RANBP17: variants seen among roughly 807,000 people sequenced by gnomAD.
The protein encoded by RANBP17 is ran-binding protein 17.
A neutral mutation model predicts 141.2 loss-of-function variants in RANBP17; 158 were observed. The observed-to-expected ratio is 1.12, with a 90% confidence interval of 0.98 to 1.28. RANBP17 has a LOEUF of 1.28. RANBP17 is among the 50% of genes most tolerant of loss of function. RANBP17 has a pLI of 0.00. For missense variants in RANBP17, 1,438 were observed against 1,290.7 expected, an observed-to-expected ratio of 1.11 and a Z score of -1.75; for synonymous variants, 430 against 450.0, an observed-to-expected ratio of 0.96 and a Z score of 0.56.
intron 14 of RANBP17, among the ~76,000 whole-genome samples, chr5:171,039,220 A>G (rs1782083681): frequency 1.4e-5 from 2 of 145,654 alleles, no homozygotes; most frequent in African/African-American, 2.5e-5. Context: ...CTTTTTCTCT[A>G]TAGCCTTGCT....
At chr5:171,154,967 A>G (rs911804682) in intron 14 of RANBP17, among the ~76,000 whole-genome samples, 3 of 151,100 alleles carry the variant, frequency 2.0e-5, no homozygotes, top group Non-Finnish European at 4.4e-5. Flanking sequence ...AATCCCAGCT[A>G]CTCGGGAGGC....
At position 171,053,906 on chromosome 5, in the gene RANBP17, TATATATATATATATATATA is replaced by T. The variant is rs1561596522; in HGVS notation, c.1710+85532_1710+85550del. ...ATATATATATATATATATATATATA[TATATATATATATATATATA>T]ATTGCTGTATTTGATGCATATATGC... On this transcript the variant is annotated intron_variant, in intron 14 of 27. Transcript: ENST00000523189. Among the ~76,000 whole-genome samples, 268 of 138,372 alleles carry T rather than the reference TATATATATATATATATATA, an allele frequency of 1.9e-3. 5 individuals carry two copies. The highest frequency in any genetic ancestry group is 5.4e-3 in the African/African-American group (202 of 37,708). 90.8% of individuals were successfully genotyped at this position (138,372 alleles called of 152,430 possible).
At chr5:171,278,242 G>A (rs1193366104) in intron 25 of RANBP17, among the ~76,000 whole-genome samples, 2 of 152,058 alleles carry the variant, frequency 1.3e-5, no homozygotes, top group African/African-American at 2.4e-5. Context: ...AAATTGGCCG[G>A]GTGTGGTGGC....
intron 18 of RANBP17, among the ~76,000 whole-genome samples, chr5:171,195,775 G>T (rs1761945936): frequency 6.6e-6 from 1 of 152,182 alleles, no homozygotes; most frequent in African/African-American, 2.4e-5. Context: ...AGGATGTTGG[G>T]CAGGCTATCT....
At chr5:171,179,380 G>A (rs757810871) in intron 16 of RANBP17, among the ~76,000 whole-genome samples, 6 of 152,040 alleles carry the variant, frequency 3.9e-5, no homozygotes, top group Non-Finnish European at 7.4e-5. Flanking sequence ...ATGTGTGTCT[G>A]TGTGTGTGTC....
chr5:171,229,198 C>T (rs1036937656), intron 22 of RANBP17, among the ~76,000 whole-genome samples: 1 of 152,120 alleles, frequency 6.6e-6, no homozygotes, highest in Admixed American at 6.6e-5. Flanking sequence ...TTGGTTAAGG[C>T]ATATAATAAC....
intron 25 of RANBP17, among the ~76,000 whole-genome samples, chr5:171,277,938 C>CT (rs140208253): frequency 3.9e-4 from 28 of 72,262 alleles, no homozygotes; most frequent in East Asian, 5.5e-4. Flanking sequence ...GGACTTCTTT[C>CT]TTTTTTTTTT....
intron 14 of RANBP17, among the ~76,000 whole-genome samples, chr5:170,986,824 G>A (rs1333110126): frequency 1.3e-5 from 2 of 151,748 alleles, no homozygotes; most frequent in South Asian, 2.1e-4. Context: ...TTCCTGTATG[G>A]TATGTTACTG....
Position 171,271,075 on chromosome 5 carries a change from C to CCTTTTTTTTTT in RANBP17, c.2943+5228_2943+5229insCTTTTTTTTTT, listed in dbSNP as rs1767076411. The CCTTTTTTTTTT allele has an allele frequency of 3.3e-4, 9 of 27,540 alleles. 2 individuals are homozygous for CCTTTTTTTTTT. The highest frequency in any genetic ancestry group is 4.8e-4 in the Non-Finnish European group (7 of 14,668). The allele number at this position is 27,540 out of a possible 1,614,324, so 1.7% of individuals were successfully genotyped here. On this transcript the variant is annotated intron_variant, in intron 25 of 27. Transcript: ENST00000523189. ...TTTCTCCCTCCTTTTTATGTTATTT[C>CCTTTTTTTTTT]TTTTTTTTTTTTTTTTTTTTTTTTT...
chr5:171,110,724 G>A (rs926621368), intron 14 of RANBP17, among the ~76,000 whole-genome samples: 1 of 152,090 alleles, frequency 6.6e-6, no homozygotes, highest in African/African-American at 2.4e-5. Flanking sequence ...GTATTAAATT[G>A]TAGAAACGTG....
At chr5:170,964,667 G>T (rs574938244) in intron 13 of RANBP17, among the ~76,000 whole-genome samples, 1 of 151,808 alleles carries the variant, frequency 6.6e-6, no homozygotes. Context: ...TTGTCCTTGC[G>T]ATAGTTTACT....
intron 14 of RANBP17, among the ~76,000 whole-genome samples, chr5:171,101,077 T>A (rs757647894): frequency 2.5e-4 from 38 of 152,204 alleles, no homozygotes; most frequent in Non-Finnish European, 4.3e-4. Flanking sequence ...GTATATTCTG[T>A]TGATTTGGGG....
intron 20 of RANBP17, chr5:171,206,967 A>T (rs1762615871): frequency 1.1e-5 from 2 of 179,064 alleles, no homozygotes; most frequent in East Asian, 1.8e-4. Flanking sequence ...GTTAAACTGG[A>T]ATTATATATG....
rs372620274 is a variant in RANBP17 at position 170,945,817 on chromosome 5, A to C, written c.1469-7780A>C. Among the ~76,000 whole-genome samples, 3 of 152,144 alleles carry C rather than the reference A, an allele frequency of 2.0e-5. No homozygotes were observed. The East Asian group carries it at 5.8e-4, about 29-fold the overall frequency. ...TCATTTTATGTGTCTTGTTTTGGGA[A>C]TCAAAAAAAGTGTGAAATGTCTCCT... is the stretch of plus-strand genomic sequence containing the variant. On this transcript the variant is annotated intron_variant, in intron 12 of 27. Transcript: ENST00000523189.
At chr5:171,018,820 T>C (rs1201735978) in intron 14 of RANBP17, among the ~76,000 whole-genome samples, 1 of 152,212 alleles carries the variant, frequency 6.6e-6, no homozygotes. Flanking sequence ...AGAGAGGATA[T>C]CCTTGTCTTG....
chr5:170,921,054 GA>G (rs753632337), intron 11 of RANBP17, among the ~76,000 whole-genome samples: 1 of 152,134 alleles, frequency 6.6e-6, no homozygotes, highest in Non-Finnish European at 1.5e-5. Flanking sequence ...TGTTCACTCT[GA>G]TGATGGTTTC....
At position 171,261,739 on chromosome 5, in the gene RANBP17, A is replaced by G. The variant is rs115471203; in HGVS notation, c.2777-3942A>G. ...TGTAATCCCTTTTAAAATATTTTAA[A>G]CACCAAGAACTAGGACAAAATATGA... On this transcript the variant is annotated intron_variant, in intron 24 of 27. Transcript: ENST00000523189. Among the ~76,000 whole-genome samples, 1,423 of 152,354 alleles carry G rather than the reference A, an allele frequency of 9.3e-3. 23 individuals carry two copies. The highest frequency in any genetic ancestry group is 0.033 in the African/African-American group (1,360 of 41,586).
chr5:170,929,443 G>A (rs1170711276), intron 12 of RANBP17, among the ~76,000 whole-genome samples: 1 of 151,932 alleles, frequency 6.6e-6, no homozygotes, highest in East Asian at 1.9e-4. Context: ...GTATTATTTT[G>A]GGGTTTTAAA....
chr5:170,930,894 G>A (rs974261315), intron 12 of RANBP17, among the ~76,000 whole-genome samples: 2 of 152,022 alleles, frequency 1.3e-5, no homozygotes, highest in Admixed American at 6.6e-5. Context: ...TCCTTATAGC[G>A]GTGTGATTTA....
Sources: allele counts gnomAD v4.1 joint callset (sites outside exome capture counted in the v4.1 genomes callset), GRCh38; gene constraint gnomAD v4.1.1; transcripts MANE v1.5; gene names NCBI Gene and HGNC (gene_info 2026-07-23, HGNC 2026-07-21).